The following ANKDD1A variants were observed in gnomAD, a reference collection of about 807,000 sequenced individuals.
ANKDD1A encodes ankyrin repeat and death domain containing 1A.
In ANKDD1A, 59 loss-of-function variants were observed where a neutral mutation model predicts 63.5. That is an observed-to-expected ratio of 0.93 (90% CI 0.75 to 1.15). The LOEUF (loss-of-function observed/expected upper bound fraction) is 1.15. Ranked by LOEUF, ANKDD1A falls within the 50% of genes most tolerant of loss-of-function variation. The pLI, the probability that ANKDD1A is intolerant of heterozygous loss-of-function variation, is 0.00. For synonymous variants in ANKDD1A, 266 were observed against 263.9 expected (o/e 1.01, Z -0.08); for missense variants, 632 against 656.4 (o/e 0.96, Z 0.41).
chr15:64,933,009 C>A (rs996301260), intron 8 of ANKDD1A, among the ~76,000 whole-genome samples: 1 of 151,362 alleles, frequency 6.6e-6, no homozygotes, highest in Non-Finnish European at 1.5e-5. Flanking sequence ...GGGTGGGGGG[C>A]TGGAGCTGCT....
chr15:64,918,184 G>A (rs771733924), intron 3 of ANKDD1A, among the ~76,000 whole-genome samples: 1 of 152,180 alleles, frequency 6.6e-6, no homozygotes, highest in Non-Finnish European at 1.5e-5. Context: ...ATGACACGGC[G>A]AAACTCCGTC....
chr15:64,949,762 G>T, intron 13 of ANKDD1A, 79 bp from the exon 14 acceptor site: 1 of 1,564,658 alleles, frequency 6.4e-7, no homozygotes, highest in Non-Finnish European at 8.6e-7. Flanking sequence ...GGCGGTGCAG[G>T]GTGGCATAGA....
Position 64,944,651 on chromosome 15 carries a change from G to T in ANKDD1A, c.1066-1G>T, listed in dbSNP as rs1293183903. On this transcript the variant is annotated splice_acceptor_variant, in intron 11 of 14. Transcript: ENST00000319580. LOFTEE classifies it high-confidence loss of function. ...CTTCTCTTCTTGCCTCTTAATTGCAGCAGGGAAAAACCGCCCTGGCAGTGG... is the reference window on the plus strand; with the variant it reads ...CTTCTCTTCTTGCCTCTTAATTGCATCAGGGAAAAACCGCCCTGGCAGTGG... 1.2e-6 allele frequency: 2 copies of T among 1,613,632 alleles called. No individual in the cohort carries two copies. Among genetic ancestry groups the T allele is most frequent in the African/African-American group, 1.3e-5 (1 of 74,906 alleles).
At chr15:64,937,253 A>G (rs989762220) in intron 9 of ANKDD1A, among the ~76,000 whole-genome samples, 2 of 152,174 alleles carry the variant, frequency 1.3e-5, no homozygotes, top group Non-Finnish European at 2.9e-5. Flanking sequence ...GTGCCCTTTG[A>G]CTCAACAAAT....
rs541970152 is a variant in ANKDD1A, at chr15:64,942,788, G to A, written c.966+223G>A. On this transcript the variant is annotated intron_variant, in intron 10 of 14. Transcript: ENST00000319580. ...TTGGGTGTTCCCAAGTTTTGGCCAC[G>A]GTCTATAACATTACAGTGAACATCT... Among the ~76,000 whole-genome samples, 7 of 151,890 alleles carry A rather than the reference G, an allele frequency of 4.6e-5. No individual in the cohort carries two copies. In the South Asian group the frequency reaches 1.0e-3, roughly 23 times the overall value.
intron 14 of ANKDD1A, among the ~76,000 whole-genome samples, chr15:64,955,038 T>C (rs2085405651): frequency 5.7e-5 from 1 of 17,652 alleles, no homozygotes; most frequent in Non-Finnish European, 1.4e-4. Context: ...CTCTTCTTCT[T>C]CTTTCTTTCT....
rs999872622 is a variant in ANKDD1A, at chr15:64,917,251, C to T, written c.139-135C>T. ...GCATGTGGCAGAATGGGGCTGGGTC[C>T]CCAGCTAGCTGGGGACCAGAGCCAG... On this transcript the variant is annotated intron_variant, in intron 2 of 14. Transcript: ENST00000319580. 2.5e-6 allele frequency: 3 copies of T among 1,200,944 alleles called. No homozygotes were observed. In the African/African-American group the frequency reaches 4.6e-5, roughly 18 times the overall value. 74.4% of individuals were successfully genotyped at this position (1,200,944 alleles called of 1,614,324 possible). A position where few individuals can be genotyped will look rare whatever the true frequency, so the allele number is the denominator to read the frequency against.
intron 10 of ANKDD1A, 126 bp from the exon 11 acceptor site, chr15:64,943,358 T>G: frequency 1.3e-6 from 1 of 782,848 alleles, no homozygotes; most frequent in Non-Finnish European, 2.1e-6. Context: ...ACCAACAAAC[T>G]GAAAACATTC....
At chr15:64,927,189 G>A (rs2085052236) in intron 6 of ANKDD1A, among the ~76,000 whole-genome samples, 190 bp downstream of exon 6, 1 of 152,244 alleles carries the variant, frequency 6.6e-6, no homozygotes. Flanking sequence ...CCAGCCCTGT[G>A]CTACAGGTTG....
chr15:64,912,442 G>T (rs1255952338), intron 1 of ANKDD1A, among the ~76,000 whole-genome samples: 1 of 152,240 alleles, frequency 6.6e-6, no homozygotes, highest in African/African-American at 2.4e-5. Flanking sequence ...CCGGAATGCT[G>T]GGGCTGGATA....
chr15:64,927,277 G>T lies in ANKDD1A; in HGVS notation c.570+278G>T, dbSNP rs150742500. ...CAGGCATAGTAAGGATTTCTGATCCGACGTGGCTGGCCAGGGTGGCAGATC... is the reference window on the plus strand; with the variant it reads ...CAGGCATAGTAAGGATTTCTGATCCTACGTGGCTGGCCAGGGTGGCAGATC... On this transcript the variant is annotated intron_variant, in intron 6 of 14. Coordinates refer to ENST00000319580, the MANE Select transcript of ANKDD1A (RefSeq NM_182703.6). 7.0e-4 allele frequency among the ~76,000 whole-genome samples: 106 copies of T among 152,328 alleles called. 1 individual carries two copies. The highest frequency in any genetic ancestry group is 2.5e-3 in the African/African-American group (102 of 41,570).
chr15:64,954,259 CTCCTTCTTTTCCTTTCTTCT>C (rs1399674672), intron 14 of ANKDD1A, among the ~76,000 whole-genome samples: 1 of 138,252 alleles, frequency 7.2e-6, no homozygotes, highest in African/African-American at 2.6e-5. Context: ...CTTTCTTCTT[CTCCTTCTTTTCCTTTCTTCT>C]TCCTTCTTAG....
chr15:64,937,194 A>C (rs879525312), intron 9 of ANKDD1A, among the ~76,000 whole-genome samples: 1 of 152,178 alleles, frequency 6.6e-6, no homozygotes, highest in African/African-American at 2.4e-5. Context: ...AGTTGGTACG[A>C]TCTGTTCAGA....
intron 12 of ANKDD1A, among the ~76,000 whole-genome samples, chr15:64,945,607 C>CTTTATATATATATAT (rs1277861527): frequency 1.4e-5 from 1 of 73,866 alleles, no homozygotes; most frequent in African/African-American, 6.2e-5. Context: ...GCATTTTCAA[C>CTTTATATATATATAT]ATATATATAT....
rs143149525 is a variant in ANKDD1A at position 64,934,143 on chromosome 15, T to A, written c.776T>A (p.Leu259Gln). The A allele has an allele frequency of 7.6e-4, 1,228 of 1,608,370 alleles. 9 individuals carry two copies. The African/African-American group carries it at 0.013, about 17-fold the overall frequency. The part of the protein sequence containing the change: ...STVNALTQKN[L>Q]SCLHYAALSG... ...ATGCCTGTTTCCTTCTAGAAAAACC[T>A]AAGCTGCCTTCACTATGCAGCCCTC... is the stretch of plus-strand genomic sequence containing the variant. The change falls in exon 9 of 15, where the codon CTA (leucine) becomes CAA (glutamine). Residue 259 changes from leucine (L) to glutamine (Q), a missense_variant. Physicochemically the swap from Leu to Gln is moderately radical, Grantham distance 113. Coordinates refer to ENST00000319580, the MANE Select transcript of ANKDD1A (RefSeq NM_182703.6).
chr15:64,914,444 C>T (rs998826928), intron 1 of ANKDD1A, among the ~76,000 whole-genome samples: 1 of 152,252 alleles, frequency 6.6e-6, no homozygotes, highest in Admixed American at 6.5e-5. Flanking sequence ...TGTGCCACCA[C>T]ACCTGGCTAA....
At chr15:64,914,360 C>T (rs1224415562) in intron 1 of ANKDD1A, among the ~76,000 whole-genome samples, 1 of 152,206 alleles carries the variant, frequency 6.6e-6, no homozygotes, top group Non-Finnish European at 1.5e-5. Context: ...AATTATAGCT[C>T]ATTGGCAGCC....
chr15:64,954,469 CTTCCT>C (rs749473529), intron 14 of ANKDD1A, among the ~76,000 whole-genome samples: 1 of 69,980 alleles, frequency 1.4e-5, no homozygotes, highest in Non-Finnish European at 4.2e-5. Context: ...TCTTCTCCTT[CTTCCT>C]CTTTTTCTTC....
chr15:64,950,496 A>G, intron 14 of ANKDD1A: 1 of 985,422 alleles, frequency 1.0e-6, no homozygotes. Flanking sequence ...AGGTTCTAGT[A>G]CTAATCCCTC....
Sources: allele counts gnomAD v4.1 joint callset (sites outside exome capture counted in the v4.1 genomes callset), GRCh38; gene constraint gnomAD v4.1.1; transcripts MANE v1.5; gene names NCBI Gene and HGNC (gene_info 2026-07-23, HGNC 2026-07-21).